Variants in BUD13 observed in about 807,000 individuals in gnomAD.
The protein encoded by BUD13 is BUD13 spliceosome associated protein.
Under a neutral mutation model 62.5 loss-of-function variants are expected in BUD13, and 47 were observed. The ratio of observed to expected loss-of-function variants is 0.75; its 90% CI spans 0.60 to 0.96. The LOEUF is 0.96. Among genes scored for constraint, BUD13 ranks in the 40% least tolerant of loss-of-function variants. The pLI is 0.00. For missense variants in BUD13, 821 were observed against 790.9 expected, an observed-to-expected ratio of 1.04 and a Z score of -0.46; for synonymous variants, 293 against 280.1, an observed-to-expected ratio of 1.05 and a Z score of -0.46.
intron 9 of BUD13, among the ~76,000 whole-genome samples, chr11:116,752,944 G>A (rs1259446640): frequency 1.3e-5 from 2 of 152,106 alleles, no homozygotes; most frequent in Admixed American, 6.6e-5. Flanking sequence ...GGATTTTGAC[G>A]GCACCCCGAG....
At chr11:116,758,909 GAAGGA>G (rs1204390847) in intron 6 of BUD13, among the ~76,000 whole-genome samples, 160 bp downstream of exon 6, 1 of 151,778 alleles carries the variant, frequency 6.6e-6, no homozygotes, top group Non-Finnish European at 1.5e-5. Context: ...CATTTTTCAA[GAAGGA>G]AAGAAGCACT....
At chr11:116,758,162 T>G in intron 7 of BUD13, 107 bp downstream of exon 7, 14 of 1,513,368 alleles carry the variant, frequency 9.3e-6, no homozygotes, top group Non-Finnish European at 1.2e-5. Context: ...TTCCCATTAC[T>G]GATAACAGCT....
chr11:116,770,240 G>A lies in BUD13; in HGVS notation c.144-18C>T. ...TCCGCATTCTAAATGAGAATAAGAA[G>A]ATCAAAAAGAGTCATTCTAGGATAC... On this transcript the variant is annotated intron_variant, in intron 1 of 9. Transcript: ENST00000260210. 3 of 1,585,438 alleles carry A rather than the reference G, an allele frequency of 1.9e-6. No individual in the cohort carries two copies. Among genetic ancestry groups the A allele is most frequent in the African/African-American group, 1.4e-5 (1 of 73,346 alleles).
intron 7 of BUD13, 108 bp downstream of exon 7, chr11:116,758,161 C>A: frequency 8.6e-6 from 13 of 1,510,772 alleles, no homozygotes; most frequent in Non-Finnish European, 1.2e-5. Flanking sequence ...TTTCCCATTA[C>A]TGATAACAGC....
intron 2 of BUD13, 146 bp downstream of exon 2, chr11:116,769,983 G>A: frequency 1.8e-6 from 1 of 546,186 alleles, no homozygotes; most frequent in Non-Finnish European, 3.1e-6. Flanking sequence ...TCTGAACCCG[G>A]GAGGCGGAGG....
chr11:116,760,111 G>C (rs1398481165), intron 5 of BUD13, among the ~76,000 whole-genome samples: 1 of 152,162 alleles, frequency 6.6e-6, no homozygotes, highest in Non-Finnish European at 1.5e-5. Flanking sequence ...ATTTCTAAAA[G>C]TGGTTTCATA....
intron 2 of BUD13, among the ~76,000 whole-genome samples, 189 bp from the exon 3 acceptor site, chr11:116,765,635 A>C (rs1407529534): frequency 6.6e-6 from 1 of 152,238 alleles, no homozygotes; most frequent in Non-Finnish European, 1.5e-5. Context: ...TTGTCACTGT[A>C]TTGGTTTAAT....
intron 3 of BUD13, among the ~76,000 whole-genome samples, chr11:116,763,866 C>G (rs1442736021): frequency 6.6e-6 from 1 of 152,132 alleles, no homozygotes; most frequent in Non-Finnish European, 1.5e-5. Context: ...GGAAAAATCA[C>G]CATAAAAAAG....
chr11:116,752,168 A>G (rs189447547), intron 9 of BUD13, among the ~76,000 whole-genome samples: 2,150 of 152,102 alleles, frequency 0.014, 47 homozygotes, highest in African/African-American at 0.048. Context: ...GGATGGTCTC[A>G]ATCTCCTGAC....
intron 1 of BUD13, among the ~76,000 whole-genome samples, chr11:116,771,215 T>C (rs145731251): frequency 4.1e-4 from 63 of 152,346 alleles, no homozygotes; most frequent in African/African-American, 1.4e-3. Context: ...TAAAAACTCT[T>C]GGAATACTTT....
rs1940382766 is a variant in BUD13, at chr11:116,758,986, A to C, written c.1360+88T>G. Reference sequence around the variant, plus strand: ...AGAGCTGAAATTTGATAGCAATTAAAAGTTCAAAATATCAGGTACAATAAG... The same window carrying C: ...AGAGCTGAAATTTGATAGCAATTAACAGTTCAAAATATCAGGTACAATAAG... On this transcript the variant is annotated intron_variant, in intron 6 of 9. Transcript: ENST00000260210. 1.1e-5 allele frequency: 10 copies of C among 938,752 alleles called. 1 individual carries two copies. The East Asian group carries it at 2.4e-4, about 23-fold the overall frequency. 58.2% of individuals were successfully genotyped at this position (938,752 alleles called of 1,614,324 possible).
At chr11:116,765,807 TCCC>T (rs1211375554) in intron 2 of BUD13, among the ~76,000 whole-genome samples, 2 of 152,172 alleles carry the variant, frequency 1.3e-5, no homozygotes, top group Non-Finnish European at 2.9e-5. Context: ...CATAGGTGGC[TCCC>T]CCCATCATGC....
At chr11:116,764,950 C>A (rs1218213725) in intron 3 of BUD13, among the ~76,000 whole-genome samples, 1 of 152,252 alleles carries the variant, frequency 6.6e-6, no homozygotes, top group South Asian at 2.1e-4. Flanking sequence ...GAACAAAATA[C>A]ACTGGTCCTT....
Position 116,763,034 on chromosome 11 carries a change from T to C in BUD13, c.555A>G (p.Ser185=). The C allele has an allele frequency of 1.2e-6, 2 of 1,612,328 alleles. No homozygotes were observed. Among genetic ancestry groups the C allele is most frequent in the South Asian group, 2.2e-5 (2 of 90,982 alleles). Residue 185 remains serine (S), a synonymous_variant, in exon 4 of 10, where the codon TCA becomes TCG. Transcript: ENST00000260210. ...GGGCCCTCCTTGGGGGTGAAGTGTC[T>C]GAGGAGTCATGACGGATCCTCCTGG... The part of the protein sequence containing the change: ...SPPRRIRHDS[S]DTSPPRRARH...
chr11:116,758,139 C>G (rs1018033853), intron 7 of BUD13, 130 bp downstream of exon 7: 1 of 1,455,490 alleles, frequency 6.9e-7, no homozygotes, highest in Non-Finnish European at 9.3e-7. Flanking sequence ...GAAGAAGATT[C>G]AGCACACCAA....
At chr11:116,771,135 C>T (rs577091126) in intron 1 of BUD13, among the ~76,000 whole-genome samples, 1 of 152,324 alleles carries the variant, frequency 6.6e-6, no homozygotes, top group South Asian at 2.1e-4. Context: ...CTTCCTTTGG[C>T]AAACTTTTCT....
intron 9 of BUD13, 83 bp downstream of exon 9, chr11:116,757,063 A>G: frequency 1.5e-6 from 2 of 1,310,016 alleles, no homozygotes; most frequent in South Asian, 2.5e-5. Context: ...TAAAGCAGAG[A>G]ATGAAATAAA....
chr11:116,767,845 C>T (rs1044099874), intron 2 of BUD13, among the ~76,000 whole-genome samples: 1 of 151,568 alleles, frequency 6.6e-6, no homozygotes, highest in South Asian at 2.1e-4. Flanking sequence ...TGGAGGTGCG[C>T]ACCTGTGGTA....
In BUD13 at chr11:116,772,836, C is replaced by T; in HGVS notation, c.129G>A (p.Gly43=). The stretch of plus-strand genomic sequence containing the variant: ...TACCAACTCACCCCTTGCCGCCGGC[C>T]CCGCCAGGCTTCGGCCGCTTTTTGC... ...KRRKKRPKPG[G]AGGKGMRIVD... Residue 43 remains glycine (G), a synonymous_variant, in exon 1 of 10, where the codon GGG becomes GGA. Transcript: ENST00000260210. 1 of 1,580,642 alleles carries T rather than the reference C, an allele frequency of 6.3e-7. No homozygotes were observed. Among genetic ancestry groups the T allele is most frequent in the Non-Finnish European group, 8.6e-7 (1 of 1,166,548 alleles).
Sources: allele counts gnomAD v4.1 joint callset (sites outside exome capture counted in the v4.1 genomes callset), GRCh38; gene constraint gnomAD v4.1.1; transcripts MANE v1.5; gene names NCBI Gene and HGNC (gene_info 2026-07-23, HGNC 2026-07-21).